The following CYTH3 variants were observed in gnomAD, a reference collection of about 807,000 sequenced individuals.
CYTH3 encodes cytohesin-3.
CYTH3 carries 23 observed loss-of-function variants against 55.1 expected under a neutral mutation model. The observed-to-expected ratio is 0.42, with a 90% CI of 0.30 to 0.59. The LOEUF is 0.59. CYTH3 is among the 20% of genes least tolerant of loss of function. The probability of loss-of-function intolerance (pLI) is 0.20; values close to 1 mark genes in which losing one functional copy is unlikely to be tolerated. For synonymous variants in CYTH3, 249 were observed against 194.9 expected (o/e 1.28, Z -2.31); for missense variants, 413 against 524.8 (o/e 0.79, Z 2.08).
At chr7:6,252,551 C>T (rs1779999315) in intron 1 of CYTH3, among the ~76,000 whole-genome samples, 1 of 151,844 alleles carries the variant, frequency 6.6e-6, no homozygotes, top group South Asian at 2.1e-4. Context: ...TTTTTCCCAC[C>T]CTGCCCTTTC....
At chr7:6,252,638 G>C (rs1257362106) in intron 1 of CYTH3, among the ~76,000 whole-genome samples, 5 of 152,098 alleles carry the variant, frequency 3.3e-5, no homozygotes, top group African/African-American at 1.2e-4. Flanking sequence ...AGCTACAGCT[G>C]GATCCTGTAT....
chr7:6,214,011 G>C (rs1784377279), intron 1 of CYTH3, among the ~76,000 whole-genome samples: 1 of 152,158 alleles, frequency 6.6e-6, no homozygotes, highest in South Asian at 2.1e-4. Flanking sequence ...CTTGTAAGAG[G>C]AACTAGAGCT....
At chr7:6,270,789 A>T (rs771990505) in intron 1 of CYTH3, among the ~76,000 whole-genome samples, 2 of 152,186 alleles carry the variant, frequency 1.3e-5, no homozygotes, top group Non-Finnish European at 2.9e-5. Context: ...GGACAATTTT[A>T]AGACTTTTGA....
chr7:6,219,812 A>G (rs2128551140), intron 1 of CYTH3, among the ~76,000 whole-genome samples: 1 of 152,344 alleles, frequency 6.6e-6, no homozygotes, highest in South Asian at 2.1e-4. Context: ...AGCAAAGACC[A>G]TTCTCAAATT....
chr7:6,200,229 A>G (rs950673235), intron 1 of CYTH3, among the ~76,000 whole-genome samples: 2 of 152,232 alleles, frequency 1.3e-5, no homozygotes, highest in Admixed American at 6.5e-5. Flanking sequence ...ACAGATTCCA[A>G]TCTACCAAGA....
intron 5 of CYTH3, among the ~76,000 whole-genome samples, chr7:6,174,572 G>C (rs185509019): frequency 0.026 from 2,843 of 110,998 alleles, 36 homozygotes; most frequent in Non-Finnish European, 0.034. Flanking sequence ...TTTCCAGACA[G>C]AGTCTCGCTC....
chr7:6,269,348 G>A (rs1780591921), intron 1 of CYTH3, among the ~76,000 whole-genome samples: 1 of 152,170 alleles, frequency 6.6e-6, no homozygotes, highest in Non-Finnish European at 1.5e-5. Flanking sequence ...GGTGAAAGGT[G>A]GGAGCTCAAT....
chr7:6,186,275 G>A (rs939600632), intron 4 of CYTH3, among the ~76,000 whole-genome samples: 106 of 146,340 alleles, frequency 7.2e-4, no homozygotes, highest in African/African-American at 2.6e-3. Flanking sequence ...AGTGCAGACC[G>A]ACTGAAGACC....
At position 6,171,520 on chromosome 7, in the gene CYTH3, G is replaced by A. The variant is rs1783193876; in HGVS notation, c.450-206C>T. 6.6e-6 allele frequency among the ~76,000 whole-genome samples: 1 copy of A among 152,120 alleles called. No homozygotes were observed. The highest frequency in any genetic ancestry group is 2.1e-4 in the South Asian group (1 of 4,816). ...ATAACTCGAGACACGCTTACTGATG[G>A]CTCATCTTTTTGTAACTACAACCAA... On this transcript the variant is annotated intron_variant, in intron 6 of 12. Coordinates refer to ENST00000350796, the MANE Select transcript of CYTH3 (RefSeq NM_004227.4). The surrounding 1 kb of genome is among the most constrained non-coding windows in gnomAD (Gnocchi z 6.7).
At chr7:6,199,310 A>G (rs1380068907) in intron 1 of CYTH3, among the ~76,000 whole-genome samples, 3 of 152,276 alleles carry the variant, frequency 2.0e-5, no homozygotes, top group East Asian at 1.9e-4. Flanking sequence ...TTCCAGCCAC[A>G]ATGGAGTAAC....
chr7:6,176,748 G>A (rs928528769), intron 5 of CYTH3, among the ~76,000 whole-genome samples: 7 of 152,200 alleles, frequency 4.6e-5, no homozygotes, highest in Non-Finnish European at 8.8e-5. Context: ...AGGCGTGCCA[G>A]CACCGGGCTG....
chr7:6,187,105 T>G lies in CYTH3; in HGVS notation c.194A>C (p.Gln65Pro). 1 of 1,614,186 alleles carries G rather than the reference T, an allele frequency of 6.2e-7. No individual in the cohort carries two copies. The highest frequency in any genetic ancestry group is 1.1e-5 in the South Asian group (1 of 91,078). Residue 65 changes from glutamine to proline, a missense_variant, in exon 4 of 13, where the codon CAG (glutamine) becomes CCG (proline). Gln to Pro is a moderately conservative substitution (Grantham distance 76). Around this residue, in one of 4 missense-constraint regions of CYTH3, gnomAD observed 152 missense variants for 148.1 expected, o/e 1.03. Transcript: ENST00000350796. ...TCCCATGGCTATCTGTTTGTTCCTC[T>G]GAGTCGTTTTGCTATTGGTGTGAAA... ...LTSVEESKTT[Q>P]RNKQIAMGRK...
chr7:6,215,709 C>T (rs1562392020), intron 1 of CYTH3, among the ~76,000 whole-genome samples: 1 of 151,994 alleles, frequency 6.6e-6, no homozygotes, highest in Non-Finnish European at 1.5e-5. Flanking sequence ...ATTCAAGAGG[C>T]TAAACAAACT....
chr7:6,219,759 A>G (rs1784511871), intron 1 of CYTH3, among the ~76,000 whole-genome samples: 1 of 152,148 alleles, frequency 6.6e-6, no homozygotes, highest in African/African-American at 2.4e-5. Flanking sequence ...AATGAAAAAG[A>G]CTCATTCCTA....
At chr7:6,206,408 A>G (rs1784189228) in intron 1 of CYTH3, among the ~76,000 whole-genome samples, 1 of 152,208 alleles carries the variant, frequency 6.6e-6, no homozygotes, top group Non-Finnish European at 1.5e-5. Context: ...AAGAACAGAC[A>G]AAACTAATTT....
At chr7:6,250,918 T>TG (rs1392389638) in intron 1 of CYTH3, among the ~76,000 whole-genome samples, 6 of 152,206 alleles carry the variant, frequency 3.9e-5, no homozygotes, top group African/African-American at 1.4e-4. Context: ...AATATTTCAC[T>TG]GGATCAGAAA....
intron 1 of CYTH3, among the ~76,000 whole-genome samples, chr7:6,216,541 C>G (rs1385716096): frequency 1.3e-5 from 2 of 151,588 alleles, no homozygotes; most frequent in African/African-American, 2.4e-5. Context: ...GAGTTTGAGA[C>G]CAGCCTTGTC....
chr7:6,227,069 G>C (rs1212691141), intron 1 of CYTH3, among the ~76,000 whole-genome samples: 1 of 140,724 alleles, frequency 7.1e-6, no homozygotes, highest in Admixed American at 7.2e-5. Flanking sequence ...AACAGAGCAA[G>C]ACTCTGTCTA....
intron 1 of CYTH3, among the ~76,000 whole-genome samples, chr7:6,212,073 TC>T (rs1212971341): frequency 6.6e-6 from 1 of 152,198 alleles, no homozygotes; most frequent in Non-Finnish European, 1.5e-5. Context: ...CATCCTTATC[TC>T]CCCTTTACCC....
Sources: allele counts gnomAD v4.1 joint callset (sites outside exome capture counted in the v4.1 genomes callset), GRCh38; gene constraint gnomAD v4.1.1; regional missense constraint gnomAD v4.1.1; non-coding constraint Gnocchi (gnomAD v3.1); transcripts MANE v1.5; gene names NCBI Gene and HGNC (gene_info 2026-07-23, HGNC 2026-07-21).